Variants in MLIP observed in about 807,000 individuals in gnomAD.
MLIP encodes the protein muscular LMNA-interacting protein.
Under a neutral mutation model 84.8 loss-of-function variants are expected in MLIP, and 79 were observed. That is an observed-to-expected ratio of 0.93 (90% CI 0.78 to 1.12). The LOEUF is 1.12. MLIP is among the 50% of genes most tolerant of loss of function. The probability of loss-of-function intolerance (pLI) is 0.00; values close to 1 mark genes in which losing one functional copy is unlikely to be tolerated. For missense variants in MLIP, 1,257 were observed against 1,160.6 expected, an observed-to-expected ratio of 1.08 and a Z score of -1.21; for synonymous variants, 504 against 463.0, an observed-to-expected ratio of 1.09 and a Z score of -1.14.
Position 54,080,585 on chromosome 6 carries a change from C to T in MLIP, c.64-40862C>T, listed in dbSNP as rs115722373. Among the ~76,000 whole-genome samples, 619 of 151,672 alleles carry T rather than the reference C, an allele frequency of 4.1e-3. 5 individuals carry two copies. The highest frequency in any genetic ancestry group is 0.014 in the African/African-American group (582 of 41,434). ...TTATACAGCGATAGTTTTGCATTTG[C>T]ATATAACTATACCCATGTGATAAAA... On this transcript the variant is annotated intron_variant, in intron 1 of 12. Transcript: ENST00000274897.
chr6:54,166,005 C>T (rs1453781025), intron 8 of MLIP, among the ~76,000 whole-genome samples: 1 of 151,824 alleles, frequency 6.6e-6, no homozygotes, highest in African/African-American at 2.4e-5. Flanking sequence ...TCTGCTAGTG[C>T]CTGGATTTTA....
intron 11 of MLIP, among the ~76,000 whole-genome samples, chr6:54,213,693 G>A (rs1361318887): frequency 5.0e-5 from 5 of 99,878 alleles, no homozygotes; most frequent in Non-Finnish European, 7.3e-5. Flanking sequence ...GGGCAATGGA[G>A]TGAGACTTTG....
chr6:54,249,710 A>AACACACACAC (rs147266668), intron 12 of MLIP, among the ~76,000 whole-genome samples: 123 of 147,112 alleles, frequency 8.4e-4, no homozygotes, highest in South Asian at 1.5e-3. Flanking sequence ...GGAAATGAGG[A>AACACACACAC]ACACACACAC....
rs116749520 is a variant in MLIP at position 54,208,973 on chromosome 6, G to A, written c.2718+6740G>A. 9.5e-3 allele frequency among the ~76,000 whole-genome samples: 1,441 copies of A among 152,190 alleles called. 26 individuals are homozygous for A. Among genetic ancestry groups the A allele is most frequent in the African/African-American group, 0.032 (1,311 of 41,522 alleles). On this transcript the variant is annotated intron_variant, in intron 11 of 13. Transcript: ENST00000502396. ...GGCTTGTGATTTTCTTTTCTGTACT[G>A]TACATTTGTTTTGGCTCATGAGACG...
At position 54,230,815 on chromosome 6, in the gene MLIP, T is replaced by C; in HGVS notation, c.2820T>C (p.His940=). 3.7e-6 allele frequency: 6 copies of C among 1,614,116 alleles called. No homozygotes were observed. Among genetic ancestry groups the C allele is most frequent in the Non-Finnish European group, 5.1e-6 (6 of 1,180,002 alleles). The change falls in exon 12 of 14, where the codon CAT becomes CAC. Residue 940 remains histidine (H), a synonymous_variant. Coordinates refer to ENST00000502396, the MANE Select transcript of MLIP (RefSeq NM_001281747.2). ...TGCTGCATCCACAGACCCTCTCACATGCTGACTGTCTTGCCCCAGGACCCT... is the reference window on the plus strand; with the variant it reads ...TGCTGCATCCACAGACCCTCTCACACGCTGACTGTCTTGCCCCAGGACCCT... ...KSLLHPQTLS[H]ADCLAPGPFS... is the part of the protein sequence containing the mutation.
rs776438472 is a variant in MLIP, at chr6:54,189,885, C to T, written c.2560C>T (p.Pro854Ser). The change falls in exon 10 of 14, where the codon CCA becomes TCA. Residue 854 changes from proline to serine, a missense_variant. By Grantham distance (74) the Pro-to-Ser change is moderately conservative. Transcript: ENST00000502396. ...TGTTTTGCAGGCAAATCTCTCCTCA[C>T]CATCTTCTACAGTATCTGAGAGTCA... Reference protein sequence around the residue: ...RETKYANLSSPSSTVSESQLT... With the variant: ...RETKYANLSSSSSTVSESQLT... 1 of 1,603,288 alleles carries T rather than the reference C, an allele frequency of 6.2e-7. No individual in the cohort carries two copies. The highest frequency in any genetic ancestry group is 8.5e-7 in the Non-Finnish European group (1 of 1,170,744).
intron 10 of MLIP, 39 bp downstream of exon 10, chr6:54,189,953 G>A (rs1777754454): frequency 2.1e-6 from 3 of 1,413,896 alleles, no homozygotes; most frequent in East Asian, 4.6e-5. Flanking sequence ...TGCAAATTCT[G>A]ATCTCTCAAG....
At chr6:54,125,892 A>G (rs1421927349) in intron 3 of MLIP, among the ~76,000 whole-genome samples, 1 of 151,870 alleles carries the variant, frequency 6.6e-6, no homozygotes. Context: ...GTGCCACACC[A>G]TCTTTATTTC....
At chr6:54,115,002 C>T (rs565219389) in intron 1 of MLIP, among the ~76,000 whole-genome samples, 3 of 152,186 alleles carry the variant, frequency 2.0e-5, no homozygotes, top group South Asian at 4.2e-4. Flanking sequence ...GTCATCAGCT[C>T]CAAGTGAGAA....
chr6:54,185,989 G>A (rs747027748), intron 9 of MLIP, among the ~76,000 whole-genome samples: 1 of 152,100 alleles, frequency 6.6e-6, no homozygotes, highest in Non-Finnish European at 1.5e-5. Flanking sequence ...ACACCCTACT[G>A]CCATCAAGCA....
At chr6:54,154,288 T>G (rs1349749628) in intron 5 of MLIP, among the ~76,000 whole-genome samples, 2 of 152,186 alleles carry the variant, frequency 1.3e-5, no homozygotes, top group East Asian at 3.9e-4. Flanking sequence ...GACTACTGTA[T>G]GCCAATCAAA....
chr6:54,170,491 G>C (rs1775659297), intron 9 of MLIP, among the ~76,000 whole-genome samples: 1 of 151,554 alleles, frequency 6.6e-6, no homozygotes, highest in Non-Finnish European at 1.5e-5. Flanking sequence ...ACTGCTTAGA[G>C]CATTTCCTGG....
At chr6:54,200,789 C>T (rs1481215343) in intron 10 of MLIP, among the ~76,000 whole-genome samples, 2 of 152,064 alleles carry the variant, frequency 1.3e-5, no homozygotes, top group Non-Finnish European at 2.9e-5. Flanking sequence ...AGAGACTTGT[C>T]TCAATCTGTA....
chr6:54,261,459 G>A (rs1783385561), intron 13 of MLIP, among the ~76,000 whole-genome samples: 1 of 151,960 alleles, frequency 6.6e-6, no homozygotes. Flanking sequence ...TTCACTAGCT[G>A]CCCATAAAAC....
chr6:54,210,748 G>GAAAAAA (rs1779395725), intron 11 of MLIP, among the ~76,000 whole-genome samples: 1 of 91,286 alleles, frequency 1.1e-5, no homozygotes, highest in African/African-American at 3.3e-5. Context: ...AAAAAAAAAT[G>GAAAAAA]TTCTAATGTT....
At chr6:54,248,562 T>C (rs1173826985) in intron 12 of MLIP, among the ~76,000 whole-genome samples, 1 of 152,124 alleles carries the variant, frequency 6.6e-6, no homozygotes, top group Non-Finnish European at 1.5e-5. Flanking sequence ...GTGGTATTTG[T>C]TTTTAAATAG....
chr6:54,074,213 G>T (rs1766655514), intron 1 of MLIP, among the ~76,000 whole-genome samples: 1 of 152,130 alleles, frequency 6.6e-6, no homozygotes, highest in Non-Finnish European at 1.5e-5. Context: ...GTGATAGGTA[G>T]AAATATGTAA....
chr6:54,028,477 A>C (rs1763945309), intron 1 of MLIP, among the ~76,000 whole-genome samples: 1 of 152,234 alleles, frequency 6.6e-6, no homozygotes, highest in African/African-American at 2.4e-5. Context: ...GGGAGGCTGA[A>C]GGAAGAAAAT....
At chr6:54,072,656 A>G (rs1002245935) in intron 1 of MLIP, among the ~76,000 whole-genome samples, 1 of 152,148 alleles carries the variant, frequency 6.6e-6, no homozygotes, top group Admixed American at 6.5e-5. Flanking sequence ...GTTTCCCAAG[A>G]TTCTGCTGCT....
Sources: allele counts gnomAD v4.1 joint callset (sites outside exome capture counted in the v4.1 genomes callset), GRCh38; gene constraint gnomAD v4.1.1; transcripts MANE v1.5; gene names NCBI Gene and HGNC (gene_info 2026-07-23, HGNC 2026-07-21).